The following SNX13 variants were observed in gnomAD, a reference collection of about 807,000 sequenced individuals.
SNX13 encodes the protein sorting nexin 13.
A neutral mutation model predicts 133.6 loss-of-function variants in SNX13; 45 were observed. That is an observed-to-expected ratio of 0.34 (90% CI 0.27 to 0.43). The LOEUF (loss-of-function observed/expected upper bound fraction) is 0.43, where lower values mean the gene tolerates loss of function less well. Among genes scored for constraint, SNX13 ranks in the 20% least tolerant of loss-of-function variants. The pLI is 1.00. For synonymous variants in SNX13, 414 were observed against 373.9 expected, an observed-to-expected ratio of 1.11 and a Z score of -1.24; for missense variants, 1,032 against 1,145.1, an observed-to-expected ratio of 0.90 and a Z score of 1.43.
intron 9 of SNX13, among the ~76,000 whole-genome samples, chr7:17,860,871 AG>A (rs1792588645): frequency 6.6e-6 from 1 of 152,320 alleles, no homozygotes; most frequent in East Asian, 1.9e-4. Context: ...GCTTTGTAAT[AG>A]GTTTTGAAAT....
intron 1 of SNX13, among the ~76,000 whole-genome samples, chr7:17,932,682 G>A (rs2128049516): frequency 6.6e-6 from 1 of 152,256 alleles, no homozygotes; most frequent in Admixed American, 6.5e-5. Flanking sequence ...ATGGAGGTGG[G>A]AACAGCAGGA....
At position 17,891,589 on chromosome 7, in the gene SNX13, CTA is replaced by C. The variant is rs771067228; in HGVS notation, c.273_274del (p.Asp91GlufsTer10). 6.2e-7 allele frequency: 1 copy of C among 1,612,538 alleles called. No individual in the cohort carries two copies. On this transcript the variant is annotated frameshift_variant, in exon 4 of 26. Coordinates refer to ENST00000428135, the MANE Select transcript of SNX13 (RefSeq NM_015132.5). LOFTEE classifies it high-confidence loss of function. ...AATTATATTGGCACCCGTCAATCTT[CTA>C]TCAATCTTAATAGTCCTGGCTTCCC... is the stretch of plus-strand genomic sequence containing the variant.
intron 9 of SNX13, among the ~76,000 whole-genome samples, chr7:17,856,002 T>C (rs1791835095): frequency 6.6e-6 from 1 of 152,192 alleles, no homozygotes; most frequent in South Asian, 2.1e-4. Flanking sequence ...AATATCAACA[T>C]TCACAGAAGA....
intron 24 of SNX13, among the ~76,000 whole-genome samples, chr7:17,798,295 C>T (rs1379398280): frequency 6.6e-6 from 1 of 151,600 alleles, no homozygotes; most frequent in Non-Finnish European, 1.5e-5. Flanking sequence ...TACAACATAG[C>T]CAGAGAGACT....
chr7:17,833,460 T>C (rs1788756406), intron 15 of SNX13, among the ~76,000 whole-genome samples: 3 of 151,648 alleles, frequency 2.0e-5, no homozygotes, highest in African/African-American at 4.8e-5. Context: ...TAGTAAGTGA[T>C]AGAATGGGAG....
At position 17,873,549 on chromosome 7, in the gene SNX13, C is replaced by A; in HGVS notation, c.732G>T (p.Lys244Asn). 1 of 1,586,208 alleles carries A rather than the reference C, an allele frequency of 6.3e-7. No homozygotes were observed. Among genetic ancestry groups the A allele is most frequent in the South Asian group, 1.2e-5 (1 of 85,504 alleles). ...TTACCCTGACAAAGTATCGCATGATCTTGTTCTGGAAATCTCCAGGAGGTA... is the reference window on the plus strand; with the variant it reads ...TTACCCTGACAAAGTATCGCATGATATTGTTCTGGAAATCTCCAGGAGGTA... Reference protein sequence around the residue: ...LLLPPGDFQNKIMRYFVREIL... With the variant: ...LLLPPGDFQNNIMRYFVREIL... The change falls in exon 8 of 26, where the codon AAG becomes AAT. Residue 244 changes from lysine to asparagine, a missense_variant. Transcript: ENST00000428135.
intron 1 of SNX13, among the ~76,000 whole-genome samples, chr7:17,938,861 C>T (rs1200050348): frequency 2.0e-5 from 3 of 152,166 alleles, no homozygotes; most frequent in African/African-American, 7.2e-5. Context: ...TAAAATATCA[C>T]ACTTAAGGTA....
chr7:17,880,777 C>T (rs993140597), intron 5 of SNX13: 9 of 152,044 alleles, frequency 5.9e-5, no homozygotes, highest in African/African-American at 1.7e-4. Context: ...ATTTTGTTGA[C>T]GAGAACCACA....
intron 18 of SNX13, among the ~76,000 whole-genome samples, chr7:17,818,926 T>G (rs1358718468): frequency 6.6e-6 from 1 of 152,208 alleles, no homozygotes; most frequent in Admixed American, 6.5e-5. Flanking sequence ...ATCATGAGTT[T>G]ATCTATACCT....
intron 9 of SNX13, among the ~76,000 whole-genome samples, chr7:17,863,724 T>C (rs1296405102): frequency 6.6e-6 from 1 of 152,202 alleles, no homozygotes; most frequent in East Asian, 1.9e-4. Flanking sequence ...ACTGTGCTGC[T>C]CTGCAAGGTT....
intron 24 of SNX13, among the ~76,000 whole-genome samples, chr7:17,798,129 A>G (rs531958022): frequency 1.6e-4 from 25 of 151,916 alleles, no homozygotes; most frequent in African/African-American, 5.8e-4. Flanking sequence ...TTTCTCTACT[A>G]TCTGTACTTT....
At chr7:17,836,317 G>A (rs911903018) in intron 13 of SNX13, among the ~76,000 whole-genome samples, 2 of 151,986 alleles carry the variant, frequency 1.3e-5, no homozygotes, top group African/African-American at 4.8e-5. Context: ...ATAAGTTCGA[G>A]AACAGCCTGG....
At chr7:17,886,264 G>T (rs1156639689) in intron 5 of SNX13, among the ~76,000 whole-genome samples, 6 of 151,932 alleles carry the variant, frequency 3.9e-5, no homozygotes, top group African/African-American at 7.3e-5. Flanking sequence ...GAACACAGTG[G>T]CATTAGCATA....
intron 9 of SNX13, among the ~76,000 whole-genome samples, chr7:17,860,247 A>G (rs1346459615): frequency 6.6e-6 from 1 of 152,060 alleles, no homozygotes; most frequent in African/African-American, 2.4e-5. Context: ...ATGATTAGGG[A>G]TGTTGCACAT....
At chr7:17,804,940 A>T (rs531920641) in intron 20 of SNX13, among the ~76,000 whole-genome samples, 61 of 152,316 alleles carry the variant, frequency 4.0e-4, no homozygotes, top group African/African-American at 1.3e-3. Context: ...TAGAAGAGGT[A>T]AAATGCATAT....
intron 12 of SNX13, among the ~76,000 whole-genome samples, chr7:17,845,021 C>A (rs1010116378): frequency 1.3e-5 from 2 of 152,032 alleles, no homozygotes; most frequent in African/African-American, 4.8e-5. Context: ...AGATTAAGAT[C>A]AGGAACAAGA....
At chr7:17,795,383 T>C (rs1331090177) in intron 25 of SNX13, 1 of 151,600 alleles carries the variant, frequency 6.6e-6, no homozygotes, top group Non-Finnish European at 1.5e-5. Context: ...AAAGCAAAAA[T>C]TTTGAGAATT....
intron 15 of SNX13, chr7:17,832,387 C>T: frequency 3.0e-6 from 3 of 984,526 alleles, no homozygotes; most frequent in Non-Finnish European, 3.6e-6. Flanking sequence ...TATATTGCTA[C>T]TATCACCAGT....
At chr7:17,905,337 T>A (rs917479994) in intron 1 of SNX13, among the ~76,000 whole-genome samples, 2 of 152,112 alleles carry the variant, frequency 1.3e-5, no homozygotes, top group African/African-American at 4.8e-5. Context: ...GATACAAAGA[T>A]GAATGAGGCA....
Sources: gnomAD v4.1 joint callset for allele counts (sites outside exome capture counted in the v4.1 genomes callset) on GRCh38, gnomAD v4.1.1 for gene constraint, MANE v1.5 for transcripts, NCBI Gene and HGNC (gene_info 2026-07-23, HGNC 2026-07-21) for gene names.